The following OR1L8 variants were observed in gnomAD, a reference collection of about 807,000 sequenced individuals.
OR1L8 encodes the protein olfactory receptor 1L8.
For missense variants in OR1L8, 330 were observed against 377.4 expected, an observed-to-expected ratio of 0.87 and a Z score of 1.04; for synonymous variants, 148 against 147.0, an observed-to-expected ratio of 1.01 and a Z score of -0.05.
chr9:122,550,547 C>A, the OR1L8 span, among the ~76,000 whole-genome samples: 1 of 143,298 alleles, frequency 7.0e-6, no homozygotes, highest in Non-Finnish European at 1.5e-5. Flanking sequence ...AGATAATACA[C>A]CATGATCAAG....
At chr9:122,546,817 C>A in the OR1L8 span, among the ~76,000 whole-genome samples, 1 of 152,160 alleles carries the variant, frequency 6.6e-6, no homozygotes, top group African/African-American at 2.4e-5. Flanking sequence ...TTATTTTAAA[C>A]CTATTTTTTA....
chr9:122,552,058 C>G, the OR1L8 span, among the ~76,000 whole-genome samples: 1 of 100,356 alleles, frequency 1.0e-5, no homozygotes. Flanking sequence ...CACACATACA[C>G]TCTCTCTCTC....
At chr9:122,553,145 T>C in the OR1L8 span, 1 of 1,543,018 alleles carries the variant, frequency 6.5e-7, no homozygotes, top group Non-Finnish European at 8.8e-7. Flanking sequence ...ATCTGTAAAT[T>C]GATCTAATAA....
chr9:122,551,642 T>A, the OR1L8 span, among the ~76,000 whole-genome samples: 2 of 151,978 alleles, frequency 1.3e-5, no homozygotes, highest in African/African-American at 4.8e-5. Flanking sequence ...AGAATCACAT[T>A]CCCGAGACCC....
chr9:122,553,920 A>T, the OR1L8 span: 1 of 1,613,316 alleles, frequency 6.2e-7, no homozygotes, highest in Non-Finnish European at 8.5e-7. Flanking sequence ...TCCTGGAGGG[A>T]GATGGAAGGC....
intron 3 of OR1L8, among the ~76,000 whole-genome samples, chr9:122,575,179 G>A (rs991136762): frequency 2.6e-5 from 4 of 151,986 alleles, no homozygotes; most frequent in Admixed American, 2.0e-4. Flanking sequence ...TTTGGTTTTG[G>A]TATTAGGATA....
At chr9:122,550,221 A>G in the OR1L8 span, among the ~76,000 whole-genome samples, 1 of 152,166 alleles carries the variant, frequency 6.6e-6, no homozygotes, top group Admixed American at 6.5e-5. Flanking sequence ...GAAATGCTAA[A>G]TAAACCAATA....
chr9:122,553,874 T>A, the OR1L8 span: 1 of 1,614,116 alleles, frequency 6.2e-7, no homozygotes, highest in Non-Finnish European at 8.5e-7. Context: ...TCTTCTCCTA[T>A]GTCCGCATTT....
chr9:122,581,686 T>A (rs958617886), intron 1 of OR1L8, among the ~76,000 whole-genome samples: 1 of 151,828 alleles, frequency 6.6e-6, no homozygotes, highest in Non-Finnish European at 1.5e-5. Flanking sequence ...GTGGCTCATG[T>A]CTGTAATCCC....
At chr9:122,582,012 A>C (rs1238897834) in intron 1 of OR1L8, among the ~76,000 whole-genome samples, 1 of 152,208 alleles carries the variant, frequency 6.6e-6, no homozygotes, top group Non-Finnish European at 1.5e-5. Context: ...GTGTCAAAGC[A>C]TGGGGAGGAG....
chr9:122,579,910 A>G (rs913364447), intron 1 of OR1L8, among the ~76,000 whole-genome samples: 17 of 152,200 alleles, frequency 1.1e-4, no homozygotes, highest in Non-Finnish European at 2.1e-4. Flanking sequence ...CTTAAGCGCA[A>G]TAATAATCTG....
intron 1 of OR1L8, among the ~76,000 whole-genome samples, chr9:122,581,028 C>G (rs1301124554): frequency 6.6e-6 from 1 of 152,026 alleles, no homozygotes; most frequent in Non-Finnish European, 1.5e-5. Context: ...AAGAATTCGA[C>G]TGAATATTAA....
chr9:122,561,658 C>T, the OR1L8 span, among the ~76,000 whole-genome samples: 1 of 152,074 alleles, frequency 6.6e-6, no homozygotes, highest in Non-Finnish European at 1.5e-5. Flanking sequence ...CACTCCTGCA[C>T]CTGGAGATGT....
At chr9:122,573,811 C>A (rs1479568337) in intron 3 of OR1L8, among the ~76,000 whole-genome samples, 1 of 152,094 alleles carries the variant, frequency 6.6e-6, no homozygotes, top group East Asian at 1.9e-4. Flanking sequence ...TCTAAAAAGT[C>A]ATCTCTAAAC....
At chr9:122,578,980 A>G (rs1829703833) in intron 1 of OR1L8, among the ~76,000 whole-genome samples, 1 of 31,914 alleles carries the variant, frequency 3.1e-5, no homozygotes. Flanking sequence ...CTCAGAAATT[A>G]CCACTAAACT....
chr9:122,565,066 G>A (rs2094735), downstream of OR1L8, among the ~76,000 whole-genome samples: 88,428 of 152,076 alleles, frequency 0.58, 26,226 homozygotes, highest in East Asian at 0.97. Flanking sequence ...ATAGGGTCCA[G>A]TGGTGTGAGA....
chr9:122,556,580 G>A, the OR1L8 span, among the ~76,000 whole-genome samples: 46,714 of 151,830 alleles, frequency 0.31, 8,057 homozygotes, highest in East Asian at 0.81. Flanking sequence ...GGGGCTTAAA[G>A]CCTAGATGAC....
intron 1 of OR1L8, among the ~76,000 whole-genome samples, chr9:122,581,107 C>G (rs967598449): frequency 6.6e-6 from 1 of 151,858 alleles, no homozygotes; most frequent in Non-Finnish European, 1.5e-5. Context: ...GTGGCTCACA[C>G]CTGTAATCCC....
intron 1 of OR1L8, 25 bp from the exon 2 acceptor site, chr9:122,578,470 T>G (rs1829694411): frequency 6.8e-6 from 1 of 146,454 alleles, no homozygotes; most frequent in Admixed American, 6.8e-5. Context: ...AAAAAAGACA[T>G]CATTATATAC....
Sources: allele counts gnomAD v4.1 joint callset (sites outside exome capture counted in the v4.1 genomes callset), GRCh38; gene constraint gnomAD v4.1.1; transcripts MANE v1.5; gene names NCBI Gene and HGNC (gene_info 2026-07-23, HGNC 2026-07-21).